Variants in ZNF675 observed in about 807,000 individuals in gnomAD.
ZNF675 encodes the protein zinc finger protein 675.
Under a neutral mutation model 56.1 loss-of-function variants are expected in ZNF675, and 36 were observed. The observed-to-expected ratio is 0.64, with a 90% CI of 0.49 to 0.85. ZNF675 has a LOEUF of 0.85. Among genes scored for constraint, ZNF675 ranks in the 40% least tolerant of loss-of-function variants. ZNF675 has a pLI of 0.00. For missense variants in ZNF675, 663 were observed against 654.2 expected, an observed-to-expected ratio of 1.01 and a Z score of -0.15; for synonymous variants, 200 against 218.9, an observed-to-expected ratio of 0.91 and a Z score of 0.76.
At chr19:23,659,904 C>T (rs1158384821) in intron 3 of ZNF675, among the ~76,000 whole-genome samples, 1 of 152,158 alleles carries the variant, frequency 6.6e-6, no homozygotes, top group Non-Finnish European at 1.5e-5. Context: ...TTCCAGCTCG[C>T]TGAGCCACAG....
Position 23,653,208 on chromosome 19 carries a change from G to A in ZNF675, c.*18C>T, listed in dbSNP as rs1239931059. 1.9e-6 allele frequency: 3 copies of A among 1,541,946 alleles called. No individual in the cohort carries two copies. Among genetic ancestry groups the A allele is most frequent in the Non-Finnish European group, 2.6e-6 (3 of 1,148,210 alleles). On this transcript the variant is annotated 3_prime_UTR_variant, in exon 4 of 4. Coordinates refer to ENST00000359788, the MANE Select transcript of ZNF675 (RefSeq NM_138330.3). ...TCCTTTATATTTAGAAAAATTTGAG[G>A]TGTTGTCAAAATCATTATCACACAT...
At chr19:23,676,545 T>C (rs1755389673) in intron 1 of ZNF675, among the ~76,000 whole-genome samples, 1 of 151,730 alleles carries the variant, frequency 6.6e-6, no homozygotes, top group African/African-American at 2.4e-5. Flanking sequence ...ACAAGGTTGG[T>C]TCAATATATA....
chr19:23,672,040 G>C (rs1216881073), intron 1 of ZNF675, among the ~76,000 whole-genome samples: 1 of 151,948 alleles, frequency 6.6e-6, no homozygotes, highest in Non-Finnish European at 1.5e-5. Flanking sequence ...ATTGTGAGAG[G>C]GTTCTCAGTG....
chr19:23,663,481 C>T (rs560987173), intron 1 of ZNF675, among the ~76,000 whole-genome samples: 3 of 152,200 alleles, frequency 2.0e-5, no homozygotes, highest in East Asian at 1.9e-4. Context: ...TACCTGAGGT[C>T]GGGAGTTCCA....
At position 23,658,851 on chromosome 19, in the gene ZNF675, A is replaced by AGATC. The variant is rs71165859; in HGVS notation, c.226+3262_226+3263insGATC. On this transcript the variant is annotated intron_variant, in intron 3 of 3. Coordinates refer to ENST00000359788, the MANE Select transcript of ZNF675 (RefSeq NM_138330.3). ...TCTATAGATATATAGATATATCTAT[A>AGATC]TAGATATAGAAATAGATCTATAGAT... is the stretch of plus-strand genomic sequence containing the variant. Among the ~76,000 whole-genome samples the AGATC allele has an allele frequency of 7.9e-3, 520 of 65,636 alleles. 4 individuals carry two copies. The highest frequency in any genetic ancestry group is 0.018 in the African/African-American group (373 of 20,942). 43.1% of individuals were successfully genotyped at this position (65,636 alleles called of 152,430 possible). A position where few individuals can be genotyped will look rare whatever the true frequency, so the allele number is the denominator to read the frequency against.
chr19:23,667,423 C>G (rs900162910), intron 1 of ZNF675, among the ~76,000 whole-genome samples: 1 of 152,160 alleles, frequency 6.6e-6, no homozygotes, highest in African/African-American at 2.4e-5. Flanking sequence ...TGGCCCCACC[C>G]ACATCCTGCT....
chr19:23,660,389 T>TA (rs1474542028), intron 3 of ZNF675, among the ~76,000 whole-genome samples: 1 of 152,174 alleles, frequency 6.6e-6, no homozygotes, highest in Admixed American at 6.5e-5. Context: ...GCAGAAGAAT[T>TA]AGTCGAAAAA....
chr19:23,659,896 C>A (rs1968052848), intron 3 of ZNF675, among the ~76,000 whole-genome samples: 1 of 152,152 alleles, frequency 6.6e-6, no homozygotes, highest in Non-Finnish European at 1.5e-5. Flanking sequence ...TGACTCAGTT[C>A]CAGCTCGCTG....
At chr19:23,655,717 T>C (rs1190872413) in intron 3 of ZNF675, 1 of 152,164 alleles carries the variant, frequency 6.6e-6, no homozygotes, top group Non-Finnish European at 1.5e-5. Context: ...CCAAATAGGC[T>C]TAACAGACCT....
In ZNF675 at chr19:23,653,288, C is replaced by T. The variant is rs1967934475; in HGVS notation, c.1645G>A (p.Ala549Thr). Residue 549 changes from alanine to threonine, a missense_variant, in exon 4 of 4, where the codon GCA becomes ACA. Physicochemically the swap from Ala to Thr is moderately conservative, Grantham distance 58 (BLOSUM62 0). Transcript: ENST00000359788. ...ERCDKAFNQS[A>T]NLTKHKKIHT... ...ATTTTTTTATGTTTAGTAAGGTTTG[C>T]AGATTGGTTAAAAGCTTTGTCACAT... The T allele has an allele frequency of 1.2e-6, 2 of 1,613,186 alleles. No individual in the cohort carries two copies. Among genetic ancestry groups the T allele is most frequent in the Non-Finnish European group, 1.7e-6 (2 of 1,179,658 alleles).
rs148211416 is a variant in ZNF675 at position 23,668,566 on chromosome 19, C to T, written c.4-5408G>A. On this transcript the variant is annotated intron_variant, in intron 1 of 3. Coordinates refer to ENST00000359788, the MANE Select transcript of ZNF675 (RefSeq NM_138330.3). ...TTGGGCGGTCGATGGGACTGGGCGCCGTGGAGCAGGGAGCGGCATCCGTCA... is the reference window on the plus strand; with the variant it reads ...TTGGGCGGTCGATGGGACTGGGCGCTGTGGAGCAGGGAGCGGCATCCGTCA... Among the ~76,000 whole-genome samples, 407 of 152,346 alleles carry T rather than the reference C, an allele frequency of 2.7e-3. 1 individual carries two copies. Among genetic ancestry groups the T allele is most frequent in the Middle Eastern group, 0.024 (7 of 294 alleles).
intron 1 of ZNF675, among the ~76,000 whole-genome samples, chr19:23,667,638 C>G (rs552462966): frequency 6.6e-6 from 1 of 151,428 alleles, no homozygotes; most frequent in South Asian, 2.1e-4. Context: ...CATAAATGTT[C>G]TCCAAGGCCC....
At chr19:23,674,113 G>A (rs1408414703) in intron 1 of ZNF675, among the ~76,000 whole-genome samples, 1 of 151,558 alleles carries the variant, frequency 6.6e-6, no homozygotes, top group Non-Finnish European at 1.5e-5. Flanking sequence ...TGAGGCAGAA[G>A]AATTGTTTGA....
intron 1 of ZNF675, among the ~76,000 whole-genome samples, chr19:23,683,392 C>A (rs549562807): frequency 6.7e-6 from 1 of 148,858 alleles, no homozygotes; most frequent in African/African-American, 2.6e-5. Context: ...CAATTATCTA[C>A]TACATTTTCT....
At chr19:23,676,704 C>A (rs1384862659) in intron 1 of ZNF675, among the ~76,000 whole-genome samples, 3 of 151,822 alleles carry the variant, frequency 2.0e-5, no homozygotes, top group Admixed American at 6.6e-5. Flanking sequence ...GTACATACTT[C>A]AAAAGAGTTA....
intron 1 of ZNF675, among the ~76,000 whole-genome samples, chr19:23,671,849 C>T (rs1013129178): frequency 1.3e-5 from 2 of 151,948 alleles, no homozygotes; most frequent in South Asian, 2.1e-4. Flanking sequence ...CACCTAAGTA[C>T]CAGGAAACTG....
Position 23,658,991 on chromosome 19 carries a change from C to CTA in ZNF675, c.226+3122_226+3123insTA, listed in dbSNP as rs1568289341. On this transcript the variant is annotated intron_variant, in intron 3 of 3. Transcript: ENST00000359788. ...TAGATATAGATCTAGAGATAGAGAT[C>CTA]GAGATCTATATATATAAAATGTTAA... Among the ~76,000 whole-genome samples the CTA allele has an allele frequency of 1.7e-4, 22 of 132,622 alleles. No individual in the cohort carries two copies. The East Asian group carries it at 1.7e-3, about 10-fold the overall frequency. The allele number at this position is 132,622 out of a possible 152,430, so 87.0% of individuals were successfully genotyped here.
intron 1 of ZNF675, among the ~76,000 whole-genome samples, chr19:23,670,498 C>T (rs1968215023): frequency 1.3e-5 from 2 of 151,728 alleles, no homozygotes; most frequent in Non-Finnish European, 1.5e-5. Flanking sequence ...TTTTACAGGG[C>T]CACCTGGTTC....
intron 1 of ZNF675, among the ~76,000 whole-genome samples, chr19:23,674,470 A>G (rs12972061): frequency 0.97 from 146,557 of 150,924 alleles, 71,413 homozygotes; most frequent in Non-Finnish European, 1. Flanking sequence ...TGGGGAAACC[A>G]CATCTCTACT....
Sources: allele counts gnomAD v4.1 joint callset (sites outside exome capture counted in the v4.1 genomes callset), GRCh38; gene constraint gnomAD v4.1.1; transcripts MANE v1.5; gene names NCBI Gene and HGNC (gene_info 2026-07-23, HGNC 2026-07-21).